Variants in ADGRB3 observed in about 807,000 individuals in gnomAD.
ADGRB3 encodes brain-specific angiogenesis inhibitor 3.
In ADGRB3, 37 loss-of-function variants were observed where a neutral mutation model predicts 193.4. That is an observed-to-expected ratio of 0.19 (90% CI 0.15 to 0.25). The LOEUF (loss-of-function observed/expected upper bound fraction) is 0.25, where lower values mean the gene tolerates loss of function less well. Ranked by LOEUF, ADGRB3 falls within the 10% of genes least tolerant of loss-of-function variation. The pLI, the probability that ADGRB3 is intolerant of heterozygous loss-of-function variation, is 1.00. For missense variants in ADGRB3, 1,637 were observed against 1,852.9 expected (o/e 0.88, Z 2.14); for synonymous variants, 690 against 644.2 (o/e 1.07, Z -1.08).
intron 4 of ADGRB3, among the ~76,000 whole-genome samples, chr6:68,931,193 A>G (rs1156292404): frequency 6.6e-6 from 1 of 151,980 alleles, no homozygotes; most frequent in Non-Finnish European, 1.5e-5. Flanking sequence ...TAAAAAGTTG[A>G]AAGTGTTAAG....
In ADGRB3 at chr6:68,974,848, T is replaced by C; in HGVS notation, c.1611T>C (p.Cys537=). 1.2e-6 allele frequency: 2 copies of C among 1,613,756 alleles called. No individual in the cohort carries two copies. The highest frequency in any genetic ancestry group is 1.7e-6 in the Non-Finnish European group (2 of 1,179,762). The change falls in exon 9 of 32, where the codon TGT becomes TGC. Residue 537 remains cysteine (C), a synonymous_variant. Coordinates refer to ENST00000370598, the MANE Select transcript of ADGRB3 (RefSeq NM_001704.3). ...CAGGCGACTTGGCATTCAATCAATGTCCCCTGAATGCCACAGGTACAGTAG... is the reference window on the plus strand; with the variant it reads ...CAGGCGACTTGGCATTCAATCAATGCCCCCTGAATGCCACAGGTACAGTAG... ...TPAGDLAFNQ[C]PLNATGTTSR...
chr6:69,119,887 A>G (rs796952946), intron 17 of ADGRB3, among the ~76,000 whole-genome samples: 4 of 152,320 alleles, frequency 2.6e-5, no homozygotes, highest in African/African-American at 7.2e-5. Flanking sequence ...GAATTTCACA[A>G]TAACTACTGT....
chr6:68,970,092 G>T (rs755522531), intron 8 of ADGRB3, among the ~76,000 whole-genome samples: 1 of 151,968 alleles, frequency 6.6e-6, no homozygotes. Flanking sequence ...TTATTGTACC[G>T]CACACTGCCA....
At chr6:68,861,683 C>A (rs185117231) in intron 3 of ADGRB3, among the ~76,000 whole-genome samples, 41 of 152,164 alleles carry the variant, frequency 2.7e-4, no homozygotes, top group Admixed American at 1.6e-3. Flanking sequence ...CTTCAGTTTC[C>A]AAATTGTAGG....
intron 17 of ADGRB3, among the ~76,000 whole-genome samples, chr6:69,196,691 A>G (rs1219221598): frequency 1.3e-5 from 2 of 152,092 alleles, no homozygotes; most frequent in African/African-American, 2.4e-5. Context: ...GCATTTTAAG[A>G]TTTTAGAGGT....
chr6:69,001,787 A>T (rs1769586417), intron 11 of ADGRB3, among the ~76,000 whole-genome samples: 1 of 152,192 alleles, frequency 6.6e-6, no homozygotes, highest in Non-Finnish European at 1.5e-5. Flanking sequence ...GTTCCTACTC[A>T]TTGATCACAC....
intron 19 of ADGRB3, among the ~76,000 whole-genome samples, chr6:69,237,664 C>T (rs960818874): frequency 2.0e-5 from 3 of 151,986 alleles, no homozygotes; most frequent in African/African-American, 7.2e-5. Flanking sequence ...ATATTTTTGT[C>T]TATTTACAGA....
chr6:69,127,955 C>T (rs1343408049), intron 17 of ADGRB3, among the ~76,000 whole-genome samples: 2 of 151,194 alleles, frequency 1.3e-5, no homozygotes, highest in East Asian at 3.9e-4. Flanking sequence ...TTAAAGGTCT[C>T]CTTCGTACAT....
chr6:68,859,060 C>T (rs1765074003), intron 3 of ADGRB3, among the ~76,000 whole-genome samples: 1 of 151,962 alleles, frequency 6.6e-6, no homozygotes, highest in Admixed American at 6.6e-5. Flanking sequence ...GCTCTGTCAC[C>T]CTTTGAATGC....
chr6:68,967,102 A>G (rs547679698), intron 8 of ADGRB3, among the ~76,000 whole-genome samples: 69 of 152,300 alleles, frequency 4.5e-4, no homozygotes, highest in African/African-American at 1.6e-3. Context: ...CTGTGAATCT[A>G]TGATTTCCCC....
intron 30 of ADGRB3, among the ~76,000 whole-genome samples, chr6:69,374,038 G>A (rs1769761979): frequency 6.6e-6 from 1 of 151,952 alleles, no homozygotes; most frequent in Non-Finnish European, 1.5e-5. Context: ...CATGTTGTTA[G>A]TAAAACTTTT....
At chr6:69,052,937 G>A (rs531233564) in intron 15 of ADGRB3, among the ~76,000 whole-genome samples, 1 of 152,332 alleles carries the variant, frequency 6.6e-6, no homozygotes, top group East Asian at 1.9e-4. Context: ...TGTAATCCCA[G>A]CACTTTGGGA....
intron 17 of ADGRB3, among the ~76,000 whole-genome samples, chr6:69,131,986 A>G (rs1156746301): frequency 1.3e-5 from 2 of 152,150 alleles, no homozygotes; most frequent in Non-Finnish European, 2.9e-5. Context: ...ATAGTATTCC[A>G]TGGCGTATAT....
At chr6:69,085,937 C>A (rs1445523786) in intron 17 of ADGRB3, among the ~76,000 whole-genome samples, 1 of 151,198 alleles carries the variant, frequency 6.6e-6, no homozygotes. Flanking sequence ...ACTTTGGAGA[C>A]CATTGAGGAA....
intron 3 of ADGRB3, among the ~76,000 whole-genome samples, chr6:68,721,655 T>TAA (rs1554183043): frequency 7.1e-6 from 1 of 141,350 alleles, no homozygotes; most frequent in Non-Finnish European, 1.5e-5. Context: ...TATATATATA[T>TAA]AAATTATCAT....
chr6:68,913,289 AC>A (rs568144441), intron 3 of ADGRB3, among the ~76,000 whole-genome samples: 6,630 of 151,988 alleles, frequency 0.044, 180 homozygotes, highest in Middle Eastern at 0.088. Context: ...ACTGGGAGGC[AC>A]CCCCCAGTAA....
intron 20 of ADGRB3, among the ~76,000 whole-genome samples, chr6:69,323,839 A>G (rs545910603): frequency 2.0e-5 from 3 of 152,098 alleles, no homozygotes; most frequent in African/African-American, 7.2e-5. Flanking sequence ...TTCTAGTAAG[A>G]TATTCTGCAT....
intron 3 of ADGRB3, among the ~76,000 whole-genome samples, chr6:68,866,208 C>A (rs1365511356): frequency 1.3e-5 from 2 of 152,134 alleles, no homozygotes; most frequent in African/African-American, 4.8e-5. Context: ...AGGGAGGGAC[C>A]TGGTAGGAGG....
At chr6:69,325,113 C>T in intron 21 of ADGRB3, 91 bp downstream of exon 21, 1 of 1,412,876 alleles carries the variant, frequency 7.1e-7, no homozygotes, top group Non-Finnish European at 9.6e-7. Context: ...ACACAGGCTA[C>T]TTTGTGTCTA....
Sources: allele counts gnomAD v4.1 joint callset (sites outside exome capture counted in the v4.1 genomes callset), GRCh38; gene constraint gnomAD v4.1.1; transcripts MANE v1.5; gene names NCBI Gene and HGNC (gene_info 2026-07-23, HGNC 2026-07-21).